ARMC3: variants seen among roughly 807,000 people sequenced by gnomAD.
The protein encoded by ARMC3 is armadillo repeat-containing protein 3.
ARMC3 carries 74 observed loss-of-function variants against 90.3 expected under a neutral mutation model. That is an observed-to-expected ratio of 0.82 (90% CI 0.68 to 0.99). The LOEUF (loss-of-function observed/expected upper bound fraction) is 0.99. Among genes scored for constraint, ARMC3 ranks in the 50% least tolerant of loss-of-function variants. The pLI, the probability that ARMC3 is intolerant of heterozygous loss-of-function variation, is 0.00. For missense variants in ARMC3, 958 were observed against 1,042.8 expected, an observed-to-expected ratio of 0.92 and a Z score of 1.12; for synonymous variants, 334 against 361.8, an observed-to-expected ratio of 0.92 and a Z score of 0.87.
intron 10 of ARMC3, among the ~76,000 whole-genome samples, chr10:22,984,684 A>T (rs909679061): frequency 2.0e-5 from 3 of 152,218 alleles, no homozygotes; most frequent in African/African-American, 7.2e-5. Context: ...AAGATTTTCA[A>T]CTTTATTGAA....
intron 16 of ARMC3, among the ~76,000 whole-genome samples, chr10:23,023,805 C>G (rs1036461286): frequency 2.0e-5 from 3 of 151,448 alleles, no homozygotes; most frequent in Non-Finnish European, 4.4e-5. Flanking sequence ...TCTATATAAC[C>G]AAGAGAAAAA....
At position 23,002,013 on chromosome 10, in the gene ARMC3, G is replaced by T. The variant is rs1209265313; in HGVS notation, c.1520G>T (p.Cys507Phe). ...RKHASWAVMV[C>F]AGDELTANEL... is the part of the protein sequence containing the mutation. ...CACGCCAGTTGGGCAGTGATGGTCT[G>T]TGCTGGTGACGAGCTGACGGCCAAT... The change falls in exon 12 of 19, where the codon TGT becomes TTT. Residue 507 changes from cysteine (C) to phenylalanine (F), a missense_variant. Coordinates refer to ENST00000298032, the MANE Select transcript of ARMC3 (RefSeq NM_173081.5). The T allele has an allele frequency of 6.2e-7, 1 of 1,613,938 alleles. No homozygotes were observed. The highest frequency in any genetic ancestry group is 8.5e-7 in the Non-Finnish European group (1 of 1,179,836).
At chr10:23,013,997 T>C in intron 16 of ARMC3, 1 of 1,335,186 alleles carries the variant, frequency 7.5e-7, no homozygotes. Flanking sequence ...GATGTTTGAC[T>C]CCTTTACAGT....
At chr10:22,929,036 G>A (rs1348116069) in intron 1 of ARMC3, among the ~76,000 whole-genome samples, 3 of 152,084 alleles carry the variant, frequency 2.0e-5, no homozygotes, top group Admixed American at 6.5e-5. Flanking sequence ...AGACCAACCT[G>A]GTCAATGTGG....
intron 10 of ARMC3, among the ~76,000 whole-genome samples, chr10:22,984,099 A>G (rs1311292655): frequency 6.6e-6 from 1 of 152,222 alleles, no homozygotes; most frequent in Non-Finnish European, 1.5e-5. Flanking sequence ...CATTTGATAG[A>G]TGTTTGAATA....
intron 4 of ARMC3, among the ~76,000 whole-genome samples, chr10:22,958,672 G>GATA (rs1213961572): frequency 6.6e-6 from 1 of 152,042 alleles, no homozygotes; most frequent in African/African-American, 2.4e-5. Flanking sequence ...TGTAAAATGA[G>GATA]ATAATAATAT....
intron 8 of ARMC3, among the ~76,000 whole-genome samples, chr10:22,979,653 G>A (rs763772890): frequency 6.6e-6 from 1 of 152,146 alleles, no homozygotes; most frequent in Admixed American, 6.5e-5. Context: ...AAGCATTTTA[G>A]GTCAGAGACT....
intron 18 of ARMC3, among the ~76,000 whole-genome samples, chr10:23,035,964 C>A (rs1839110988): frequency 6.6e-6 from 1 of 152,148 alleles, no homozygotes; most frequent in Non-Finnish European, 1.5e-5. Context: ...GCAGTTATTA[C>A]CCTGACATTA....
intron 15 of ARMC3, among the ~76,000 whole-genome samples, chr10:23,008,609 A>G (rs1400190763): frequency 2.0e-5 from 3 of 152,134 alleles, no homozygotes; most frequent in African/African-American, 7.2e-5. Flanking sequence ...CACATGACTT[A>G]GTGTCTGTGT....
intron 18 of ARMC3, 94 bp downstream of exon 18, chr10:23,033,117 T>A: frequency 8.3e-7 from 1 of 1,201,298 alleles, no homozygotes; most frequent in Non-Finnish European, 1.2e-6. Context: ...TAACTGGATA[T>A]TATTAATTCT....
chr10:22,946,240 A>G lies in ARMC3; in HGVS notation c.145A>G (p.Ile49Val). The change falls in exon 3 of 19, where the codon ATT becomes GTT. Residue 49 changes from isoleucine (I) to valine (V), a missense_variant. Ile to Val is a conservative substitution (Grantham distance 29). Transcript: ENST00000298032. ...AATTTTGGCTAAAGCATGTGAAGCCATTTATAAATTTGCTTTAAAAGGTTT... is the reference window on the plus strand; with the variant it reads ...AATTTTGGCTAAAGCATGTGAAGCCGTTTATAAATTTGCTTTAAAAGGTTT... ...EEILAKACEAIYKFALKGEEN... is the reference protein window; with the variant it reads ...EEILAKACEAVYKFALKGEEN... 6.2e-7 allele frequency: 1 copy of G among 1,607,098 alleles called. No homozygotes were observed. Among genetic ancestry groups the G allele is most frequent in the Non-Finnish European group, 8.5e-7 (1 of 1,175,358 alleles).
At chr10:22,992,662 C>T (rs549600863) in intron 10 of ARMC3, among the ~76,000 whole-genome samples, 5 of 152,272 alleles carry the variant, frequency 3.3e-5, no homozygotes, top group East Asian at 1.9e-4. Flanking sequence ...CATATACTAG[C>T]GTCCTGTAGC....
In ARMC3 at chr10:23,030,591, C is replaced by T. The variant is rs756888060; in HGVS notation, c.2046-5C>T. 3.7e-6 allele frequency: 6 copies of T among 1,608,198 alleles called. No individual in the cohort carries two copies. The South Asian group carries it at 4.4e-5, about 12-fold the overall frequency. On this transcript the variant is annotated splice_region_variant and splice_polypyrimidine_tract_variant and intron_variant, in intron 16 of 18. Transcript: ENST00000298032. ...GATTTTGATTGCCCTTGTTTACTTT[C>T]AAAGGAAAAGCAAAGGAAAAAAAGA...
At chr10:23,036,597 G>A (rs1300268337) in intron 18 of ARMC3, among the ~76,000 whole-genome samples, 3 of 152,160 alleles carry the variant, frequency 2.0e-5, no homozygotes, top group South Asian at 2.1e-4. Flanking sequence ...TGGGGTGCGC[G>A]GCTAGTCGGT....
intron 7 of ARMC3, 133 bp downstream of exon 7, chr10:22,962,211 T>C: frequency 1.6e-6 from 1 of 619,636 alleles, no homozygotes; most frequent in Middle Eastern, 4.7e-4. Context: ...TAAAGTTTAT[T>C]GGCCTGCTTA....
chr10:23,002,167 G>T, intron 12 of ARMC3, 112 bp downstream of exon 12: 2 of 1,421,904 alleles, frequency 1.4e-6, no homozygotes, highest in Non-Finnish European at 1.9e-6. Context: ...CTCTCAGTCC[G>T]CTGAAGCGCT....
intron 13 of ARMC3, among the ~76,000 whole-genome samples, chr10:23,006,525 C>A (rs1449619311): frequency 2.0e-5 from 3 of 152,218 alleles, no homozygotes; most frequent in African/African-American, 7.2e-5. Context: ...ACTCACAACA[C>A]TTTTAGTCAT....
chr10:22,948,905 AG>A (rs1834636968), intron 3 of ARMC3, among the ~76,000 whole-genome samples: 1 of 152,228 alleles, frequency 6.6e-6, no homozygotes, highest in Admixed American at 6.5e-5. Flanking sequence ...AGTAGTGAAC[AG>A]CATGTACATG....
intron 11 of ARMC3, among the ~76,000 whole-genome samples, chr10:22,998,747 A>G (rs967638714): frequency 1.3e-5 from 2 of 152,244 alleles, no homozygotes; most frequent in Non-Finnish European, 2.9e-5. Context: ...TAGCCATAAA[A>G]TAGAATCTCA....
Sources: gnomAD v4.1 joint callset for allele counts (sites outside exome capture counted in the v4.1 genomes callset) on GRCh38, gnomAD v4.1.1 for gene constraint, MANE v1.5 for transcripts, NCBI Gene and HGNC (gene_info 2026-07-23, HGNC 2026-07-21) for gene names.